IFT81: variants seen among roughly 807,000 people sequenced by gnomAD.
IFT81 encodes the protein intraflagellar transport 81.
IFT81 carries 72 observed loss-of-function variants against 102.6 expected under a neutral mutation model. The observed-to-expected ratio is 0.70, with a 90% confidence interval of 0.58 to 0.85. The LOEUF is 0.85. IFT81 is among the 40% of genes least tolerant of loss of function. The pLI, the probability that IFT81 is intolerant of heterozygous loss-of-function variation, is 0.00. For missense variants in IFT81, 723 were observed against 787.3 expected (o/e 0.92, Z 0.98); for synonymous variants, 237 against 242.7 (o/e 0.98, Z 0.22).
chr12:110,215,798 T>G (rs1870043322), intron 18 of IFT81, among the ~76,000 whole-genome samples: 1 of 152,084 alleles, frequency 6.6e-6, no homozygotes, highest in Non-Finnish European at 1.5e-5. Flanking sequence ...TAAAGTATAT[T>G]TTTGTAATTT....
chr12:110,193,523 A>G (rs1488398233), intron 14 of IFT81, among the ~76,000 whole-genome samples: 2 of 152,212 alleles, frequency 1.3e-5, no homozygotes, highest in East Asian at 3.8e-4. Flanking sequence ...TTAAAGATAA[A>G]TTGTCAGAAG....
chr12:110,210,827 C>T (rs1227869089), intron 18 of IFT81, among the ~76,000 whole-genome samples: 1 of 151,788 alleles, frequency 6.6e-6, no homozygotes, highest in African/African-American at 2.4e-5. Flanking sequence ...TGGATGTTAA[C>T]ATCCGATACC....
chr12:110,182,852 A>G (rs1010556649), intron 12 of IFT81, among the ~76,000 whole-genome samples: 2 of 152,120 alleles, frequency 1.3e-5, no homozygotes, highest in African/African-American at 2.4e-5. Flanking sequence ...CCTAAAGTGG[A>G]TCACTGGGGA....
intron 5 of IFT81, among the ~76,000 whole-genome samples, 167 bp from the exon 6 acceptor site, chr12:110,134,781 C>T (rs1380131169): frequency 6.6e-6 from 1 of 152,126 alleles, no homozygotes; most frequent in African/African-American, 2.4e-5. Context: ...GCATAAGAAG[C>T]CCTGGGGGAA....
In IFT81 at chr12:110,200,399, C is replaced by T. The variant is rs185568666; in HGVS notation, c.1558-3465C>T. Among the ~76,000 whole-genome samples, 6 of 152,124 alleles carry T rather than the reference C, an allele frequency of 3.9e-5. 1 individual carries two copies. Among genetic ancestry groups the T allele is most frequent in the Admixed American group, 3.9e-4 (6 of 15,268 alleles). The stretch of plus-strand genomic sequence containing the variant: ...ATGGTAAGTATTTGTGTATCTACAC[C>T]CATCTAAACATAGAAAAGGTACAGT... On this transcript the variant is annotated intron_variant, in intron 14 of 18. Transcript: ENST00000242591.
At chr12:110,196,830 A>G (rs1162897318) in intron 14 of IFT81, among the ~76,000 whole-genome samples, 1 of 152,064 alleles carries the variant, frequency 6.6e-6, no homozygotes, top group Non-Finnish European at 1.5e-5. Flanking sequence ...CAGCTTTCTT[A>G]TGATTAGTAT....
chr12:110,160,038 C>T (rs528559425), intron 10 of IFT81, among the ~76,000 whole-genome samples: 21 of 152,264 alleles, frequency 1.4e-4, no homozygotes, highest in Middle Eastern at 3.4e-3. Flanking sequence ...TGGGTGCTTC[C>T]TACTCCACCA....
chr12:110,179,785 C>T (rs1380370036), intron 11 of IFT81, among the ~76,000 whole-genome samples: 2 of 130,722 alleles, frequency 1.5e-5, no homozygotes, highest in Non-Finnish European at 3.3e-5. Flanking sequence ...CACACACACA[C>T]ACACACACAC....
rs369121932 is a variant in IFT81, at chr12:110,151,251, A to G, written c.1041+4203A>G. On this transcript the variant is annotated intron_variant, in intron 10 of 18. Coordinates refer to ENST00000242591, the MANE Select transcript of IFT81 (RefSeq NM_014055.4). ...CTCTATAGATTTGCCTGTCATGCACATTTCATATAAATGGAATATTTTAAT... is the reference window on the plus strand; with the variant it reads ...CTCTATAGATTTGCCTGTCATGCACGTTTCATATAAATGGAATATTTTAAT... 1.1e-4 allele frequency among the ~76,000 whole-genome samples: 16 copies of G among 152,290 alleles called. No homozygotes were observed. In the East Asian group the frequency reaches 1.7e-3, roughly 16 times the overall value.
At chr12:110,179,761 TATATATATATATACACAC>T (rs1216841972) in intron 11 of IFT81, among the ~76,000 whole-genome samples, 7 of 67,932 alleles carry the variant, frequency 1.0e-4, no homozygotes, top group African/African-American at 5.0e-4. Flanking sequence ...TATATATATA[TATATATATATATACACAC>T]ACACACACAC....
chr12:110,215,722 T>C (rs1870028664), intron 18 of IFT81, among the ~76,000 whole-genome samples: 1 of 151,850 alleles, frequency 6.6e-6, no homozygotes, highest in Non-Finnish European at 1.5e-5. Flanking sequence ...GTGTCACTTA[T>C]TGTCTCTGAC....
intron 1 of IFT81, among the ~76,000 whole-genome samples, chr12:110,126,277 CAAA>C (rs11287085): frequency 9.1e-4 from 89 of 97,504 alleles, no homozygotes; most frequent in African/African-American, 2.4e-3. Context: ...GACTCCGTCT[CAAA>C]AAAAAAAAAA....
At chr12:110,135,473 GA>G (rs1386737926) in intron 7 of IFT81, 36 bp downstream of exon 7, 2 of 1,203,794 alleles carry the variant, frequency 1.7e-6, no homozygotes, top group Non-Finnish European at 2.4e-6. Context: ...CAGTATGAAG[GA>G]AATAGTTCCT....
chr12:110,192,028 G>A (rs568003006), intron 13 of IFT81, among the ~76,000 whole-genome samples: 7 of 151,902 alleles, frequency 4.6e-5, no homozygotes, highest in East Asian at 1.9e-4. Context: ...AAAATCAGCC[G>A]GGCGTGGTGT....
intron 9 of IFT81, 98 bp from the exon 10 acceptor site, chr12:110,146,855 G>T: frequency 7.6e-7 from 1 of 1,318,174 alleles, no homozygotes. Context: ...TAAAAAAAAA[G>T]AACCATAAAT....
intron 17 of IFT81, among the ~76,000 whole-genome samples, chr12:110,206,390 T>A (rs914449150): frequency 6.6e-6 from 1 of 152,256 alleles, no homozygotes; most frequent in Non-Finnish European, 1.5e-5. Flanking sequence ...ATAAGCCTTC[T>A]TTGCTCCTCA....
At chr12:110,209,272 C>T (rs1414747991) in intron 18 of IFT81, 56 bp downstream of exon 18, 4 of 846,222 alleles carry the variant, frequency 4.7e-6, no homozygotes, top group African/African-American at 1.7e-5. Flanking sequence ...GCTTTCAGTA[C>T]TGTACATGGT....
At chr12:110,172,922 CGCCCCGTCCGGG>C (rs1896816195) in intron 11 of IFT81, among the ~76,000 whole-genome samples, 3 of 147,202 alleles carry the variant, frequency 2.0e-5, no homozygotes, top group Admixed American at 6.7e-5. Flanking sequence ...GCCCGGCAGC[CGCCCCGTCCGGG>C]AGGGAGGTGG....
intron 10 of IFT81, among the ~76,000 whole-genome samples, chr12:110,151,292 A>G (rs751687860): frequency 2.6e-5 from 4 of 152,182 alleles, no homozygotes; most frequent in African/African-American, 9.7e-5. Context: ...ATTCCTTGTC[A>G]TTGGCTTCTT....
Sources: gnomAD v4.1 joint callset for allele counts (sites outside exome capture counted in the v4.1 genomes callset) on GRCh38, gnomAD v4.1.1 for gene constraint, MANE v1.5 for transcripts, NCBI Gene and HGNC (gene_info 2026-07-23, HGNC 2026-07-21) for gene names.